Variants in PAPSS2 observed in about 807,000 individuals in gnomAD.
The protein encoded by PAPSS2 is bifunctional 3'-phosphoadenosine 5'-phosphosulfate synthase 2.
In PAPSS2, 61 loss-of-function variants were observed where a neutral mutation model predicts 66.5. That is an observed-to-expected ratio of 0.92 (90% CI 0.75 to 1.14). The LOEUF (loss-of-function observed/expected upper bound fraction) is 1.14. Ranked by LOEUF, PAPSS2 falls within the 50% of genes most tolerant of loss-of-function variation. The pLI, the probability that PAPSS2 is intolerant of heterozygous loss-of-function variation, is 0.00. For missense variants in PAPSS2, 708 were observed against 789.6 expected (o/e 0.90, Z 1.24); for synonymous variants, 289 against 287.5 (o/e 1.01, Z -0.05).
intron 2 of PAPSS2, among the ~76,000 whole-genome samples, chr10:87,710,375 C>A (rs1428660840): frequency 6.6e-6 from 1 of 152,166 alleles, no homozygotes; most frequent in African/African-American, 2.4e-5. Flanking sequence ...AGCAAGGAAC[C>A]TGCTGTGCTC....
At position 87,659,890 on chromosome 10, in the gene PAPSS2, TGCTGCTGCTGCTGCTGCC is replaced by T. The variant is rs1488242807; in HGVS notation, c.-89_-72del. 3.9e-6 allele frequency: 5 copies of T among 1,282,082 alleles called. No individual in the cohort carries two copies. The highest frequency in any genetic ancestry group is 5.6e-6 in the Non-Finnish European group (5 of 885,126). The allele number at this position is 1,282,082 out of a possible 1,614,324, so 79.4% of individuals were successfully genotyped here. A position where few individuals can be genotyped will look rare whatever the true frequency, so the allele number is the denominator to read the frequency against. ...CCGGGAGTCCGGCAGCCGCTGCTGC[TGCTGCTGCTGCTGCTGCC>T]GCCGCCGCCGCCGCCGTCCCTGCGT... On this transcript the variant is annotated 5_prime_UTR_variant, in exon 1 of 13. Transcript: ENST00000456849.
chr10:87,689,689 A>G (rs1359182582), intron 1 of PAPSS2, among the ~76,000 whole-genome samples: 1 of 151,454 alleles, frequency 6.6e-6, no homozygotes, highest in Non-Finnish European at 1.5e-5. Context: ...AAAAGAAAAA[A>G]AAAAAGAACT....
chr10:87,699,710 C>T (rs1014958453), intron 1 of PAPSS2, among the ~76,000 whole-genome samples: 3 of 149,800 alleles, frequency 2.0e-5, no homozygotes, highest in African/African-American at 4.9e-5. Context: ...ATTAGCTGGG[C>T]GTGGTGGTGT....
chr10:87,722,490 T>TAAC (rs903225013), intron 8 of PAPSS2, among the ~76,000 whole-genome samples: 2 of 152,218 alleles, frequency 1.3e-5, no homozygotes, highest in African/African-American at 4.8e-5. Context: ...TCTATAAGGC[T>TAAC]AACACAGAAG....
At chr10:87,699,595 T>G (rs1054289357) in intron 1 of PAPSS2, among the ~76,000 whole-genome samples, 16 of 152,224 alleles carry the variant, frequency 1.1e-4, no homozygotes, top group Admixed American at 7.2e-4. Flanking sequence ...CTCACGCCTG[T>G]AATCCTAGCA....
intron 1 of PAPSS2, among the ~76,000 whole-genome samples, chr10:87,661,620 T>C (rs1393638604): frequency 6.6e-6 from 1 of 152,102 alleles, no homozygotes; most frequent in Non-Finnish European, 1.5e-5. Context: ...TCTTGATGCC[T>C]CCAGTCGGCA....
intron 9 of PAPSS2, among the ~76,000 whole-genome samples, chr10:87,733,262 A>G (rs904420203): frequency 1.2e-4 from 18 of 152,164 alleles, no homozygotes; most frequent in African/African-American, 4.3e-4. Flanking sequence ...CCTTCCATTC[A>G]AGGCATCCAG....
rs1474506818 is a variant in PAPSS2 at position 87,746,128 on chromosome 10, T to TAC, written c.*168_*169dup. On this transcript the variant is annotated 3_prime_UTR_variant, in exon 13 of 13. Transcript: ENST00000456849. ...ATAATTAAAAAAAAATATATATATA[T>TAC]ACACACACACATATACATACAAAGT... The TAC allele has an allele frequency of 2.6e-5, 15 of 568,994 alleles. No homozygotes were observed. Among genetic ancestry groups the TAC allele is most frequent in the East Asian group, 1.7e-4 (5 of 29,278 alleles). 35.2% of individuals were successfully genotyped at this position (568,994 alleles called of 1,614,324 possible). A position where few individuals can be genotyped will look rare whatever the true frequency, so the allele number is the denominator to read the frequency against.
intron 9 of PAPSS2, among the ~76,000 whole-genome samples, chr10:87,740,276 T>C (rs942422423): frequency 7.5e-6 from 1 of 133,196 alleles, no homozygotes; most frequent in African/African-American, 3.3e-5. Flanking sequence ...ATGAGACTAG[T>C]AGTGATATTA....
intron 9 of PAPSS2, among the ~76,000 whole-genome samples, chr10:87,729,606 C>A (rs1357960187): frequency 6.6e-6 from 1 of 152,158 alleles, no homozygotes; most frequent in Non-Finnish European, 1.5e-5. Context: ...CAATTAATAA[C>A]CCTGCAATGG....
rs60199058 is a variant in PAPSS2 at position 87,688,443 on chromosome 10, TTTTA to T, written c.28-20722_28-20719del. Reference sequence around the variant, plus strand: ...AAGAACTATGGAAATTTCTTTTTTATTTTATTTATTTATTTATTTATTTATTTAT... The same window carrying T: ...AAGAACTATGGAAATTTCTTTTTTATTTTATTTATTTATTTATTTATTTAT... On this transcript the variant is annotated intron_variant, in intron 1 of 12. Coordinates refer to ENST00000456849, the MANE Select transcript of PAPSS2 (RefSeq NM_001015880.2). Among the ~76,000 whole-genome samples, 87 of 138,126 alleles carry T rather than the reference TTTTA, an allele frequency of 6.3e-4. 1 individual carries two copies. The highest frequency in any genetic ancestry group is 1.8e-3 in the African/African-American group (63 of 35,520). The allele number at this position is 138,126 out of a possible 152,430, so 90.6% of individuals were successfully genotyped here. A position where few individuals can be genotyped will look rare whatever the true frequency, so the allele number is the denominator to read the frequency against.
intron 1 of PAPSS2, chr10:87,660,298 T>C: frequency 3.5e-6 from 2 of 578,890 alleles, no homozygotes; most frequent in Non-Finnish European, 6.2e-6. Context: ...CGGATCTAGA[T>C]CCAGGACCAG....
intron 1 of PAPSS2, among the ~76,000 whole-genome samples, chr10:87,693,308 T>C (rs1853193726): frequency 6.6e-6 from 1 of 152,226 alleles, no homozygotes; most frequent in South Asian, 2.1e-4. Flanking sequence ...TTGGTCTTTC[T>C]TAGCCTTAGG....
intron 9 of PAPSS2, among the ~76,000 whole-genome samples, chr10:87,734,411 G>A (rs1245847456): frequency 1.3e-5 from 2 of 151,926 alleles, no homozygotes; most frequent in Non-Finnish European, 2.9e-5. Flanking sequence ...GACAGGTGAA[G>A]CTGAAATGTC....
intron 12 of PAPSS2, 41 bp from the exon 13 acceptor site, chr10:87,745,788 TATC>T (rs1273516286): frequency 1.2e-6 from 2 of 1,608,342 alleles, no homozygotes; most frequent in Non-Finnish European, 1.7e-6. Context: ...TTAAGGCAGA[TATC>T]ATTTACCTAC....
chr10:87,683,687 A>C (rs1853053403), intron 1 of PAPSS2, among the ~76,000 whole-genome samples: 1 of 127,940 alleles, frequency 7.8e-6, no homozygotes. Context: ...TTATTGAGAT[A>C]AAATCTTTTT....
At chr10:87,712,561 T>C (rs190686625) in intron 2 of PAPSS2, among the ~76,000 whole-genome samples, 71 of 152,010 alleles carry the variant, frequency 4.7e-4, no homozygotes, top group Non-Finnish European at 8.7e-4. Context: ...GCTCAAGGGG[T>C]CTTCCTACCT....
chr10:87,709,165 A>G (rs566068599), intron 1 of PAPSS2, 31 bp from the exon 2 acceptor site: 1 of 1,405,932 alleles, frequency 7.1e-7, no homozygotes, highest in Non-Finnish European at 1.0e-6. Flanking sequence ...TTATTAATTA[A>G]TACTGTGCTT....
At chr10:87,731,745 A>G (rs890786359) in intron 9 of PAPSS2, among the ~76,000 whole-genome samples, 1 of 152,220 alleles carries the variant, frequency 6.6e-6, no homozygotes, top group East Asian at 1.9e-4. Context: ...GGAAATAGCA[A>G]GAGAACTAGA....
Sources: allele counts gnomAD v4.1 joint callset (sites outside exome capture counted in the v4.1 genomes callset), GRCh38; gene constraint gnomAD v4.1.1; transcripts MANE v1.5; gene names NCBI Gene and HGNC (gene_info 2026-07-23, HGNC 2026-07-21).